The following GPR55 variants were observed in gnomAD, a reference collection of about 807,000 sequenced individuals.
GPR55 encodes the protein G-protein coupled receptor 55.
In GPR55, 6 loss-of-function variants were observed where a neutral mutation model predicts 7.9. That is an observed-to-expected ratio of 0.76 (90% confidence interval 0.41 to 1.49). The LOEUF is 1.49. Among genes scored for constraint, GPR55 ranks in the 40% most tolerant of loss-of-function variants. GPR55 has a pLI of 0.01. For synonymous variants in GPR55, 183 were observed against 166.8 expected (o/e 1.10, Z -0.75); for missense variants, 376 against 406.0 (o/e 0.93, Z 0.63).
intron 1 of GPR55, among the ~76,000 whole-genome samples, chr2:230,940,431 T>C (rs1221589060): frequency 6.6e-6 from 1 of 152,118 alleles, no homozygotes; most frequent in Non-Finnish European, 1.5e-5. Flanking sequence ...CCCCTGAAGA[T>C]AGTGGAAGGT....
At chr2:230,945,014 GC>G (rs1691288809) in intron 1 of GPR55, among the ~76,000 whole-genome samples, 1 of 152,376 alleles carries the variant, frequency 6.6e-6, no homozygotes, top group Non-Finnish European at 1.5e-5. Flanking sequence ...AGGAGCAGGA[GC>G]CTCACTGCGG....
At chr2:230,943,722 G>GT (rs200517248) in intron 1 of GPR55, among the ~76,000 whole-genome samples, 2,844 of 152,258 alleles carry the variant, frequency 0.019, 83 homozygotes, top group African/African-American at 0.065. Context: ...CCTTGGTGCT[G>GT]TCCTCTCAGC....
At chr2:230,931,736 C>A (rs994151007) in intron 1 of GPR55, among the ~76,000 whole-genome samples, 3 of 152,104 alleles carry the variant, frequency 2.0e-5, no homozygotes, top group Admixed American at 6.5e-5. Context: ...TGCCCATTAG[C>A]CCCATCCCCA....
intron 1 of GPR55, chr2:230,957,742 T>G (rs1433168122): frequency 2.5e-5 from 14 of 551,644 alleles, no homozygotes; most frequent in South Asian, 1.9e-4. Flanking sequence ...GACTTTTTTT[T>G]TGTTAACTAG....
intron 1 of GPR55, among the ~76,000 whole-genome samples, chr2:230,938,775 G>A (rs865846529): frequency 2.0e-5 from 3 of 152,208 alleles, no homozygotes; most frequent in East Asian, 1.9e-4. Context: ...TGGCATCTCG[G>A]GACCTTGCCT....
intron 1 of GPR55, among the ~76,000 whole-genome samples, chr2:230,953,146 G>T (rs931796609): frequency 1.3e-5 from 2 of 152,208 alleles, no homozygotes; most frequent in African/African-American, 4.8e-5. Flanking sequence ...CAGCAACCAG[G>T]TGGAGGTGGT....
intron 1 of GPR55, among the ~76,000 whole-genome samples, chr2:230,932,548 T>C (rs1691064408): frequency 6.6e-6 from 1 of 152,242 alleles, no homozygotes; most frequent in Admixed American, 6.5e-5. Context: ...GAAGACAGCA[T>C]GGCTGTGAAT....
upstream of GPR55, among the ~76,000 whole-genome samples, chr2:230,926,490 G>T (rs1026154889): frequency 2.6e-5 from 4 of 152,054 alleles, no homozygotes; most frequent in Non-Finnish European, 5.9e-5. Flanking sequence ...CCCTGGGTGC[G>T]GGAGGAGGCC....
upstream of GPR55, chr2:230,925,244 G>A (rs1354438644): frequency 6.5e-6 from 1 of 152,708 alleles, no homozygotes; most frequent in Middle Eastern, 3.1e-3. Flanking sequence ...GCCTGTTCTG[G>A]GGAGAGTCAC....
intron 1 of GPR55, among the ~76,000 whole-genome samples, chr2:230,950,990 C>G (rs1334259333): frequency 2.0e-5 from 3 of 152,218 alleles, no homozygotes; most frequent in African/African-American, 7.2e-5. Flanking sequence ...GCCCCTTCCC[C>G]TATACCTTGC....
At chr2:230,932,587 C>T (rs78653566) in intron 1 of GPR55, among the ~76,000 whole-genome samples, 3 of 152,310 alleles carry the variant, frequency 2.0e-5, no homozygotes, top group African/African-American at 4.8e-5. Flanking sequence ...CATAAAGCTC[C>T]GAACAGAAGG....
chr2:230,923,880 T>C lies in GPR55; in HGVS notation c.-135+1288A>G, dbSNP rs1427595568. The stretch of plus-strand genomic sequence containing the variant: ...GCATCACAAGCAAGAGCATCTGGGA[T>C]CCAGGAGTTGCCAAGCCCCCTCCTC... On this transcript the variant is annotated intron_variant, in intron 1 of 1. Coordinates refer to ENST00000650999, the MANE Select transcript of GPR55 (RefSeq NM_005683.4). This position sits in a 1 kb window ranked among gnomAD's most constrained non-coding sequence, Gnocchi z 4.1. Among the ~76,000 whole-genome samples the C allele has an allele frequency of 1.3e-5, 2 of 152,046 alleles. No homozygotes were observed. Among genetic ancestry groups the C allele is most frequent in the Non-Finnish European group, 2.9e-5 (2 of 67,998 alleles).
chr2:230,938,679 G>A (rs1376138866), intron 1 of GPR55, among the ~76,000 whole-genome samples: 1 of 152,234 alleles, frequency 6.6e-6, no homozygotes, highest in Non-Finnish European at 1.5e-5. Context: ...GGAGCAGCGG[G>A]CAGGGCAAGG....
intron 1 of GPR55, among the ~76,000 whole-genome samples, chr2:230,932,152 T>C (rs899759055): frequency 1.3e-5 from 2 of 152,196 alleles, no homozygotes; most frequent in Admixed American, 1.3e-4. Flanking sequence ...ACAAAGGTAC[T>C]CTGCTGCTTA....
At position 230,909,021 on chromosome 2, in the gene GPR55, C is replaced by A. The variant is rs1424465183; in HGVS notation, c.*982G>T. 1 of 152,304 alleles carries A rather than the reference C, an allele frequency of 6.6e-6. No individual in the cohort carries two copies. The highest frequency in any genetic ancestry group is 6.5e-5 in the Admixed American group (1 of 15,290). The allele number at this position is 152,304 out of a possible 1,614,324, so 9.4% of individuals were successfully genotyped here. On this transcript the variant is annotated 3_prime_UTR_variant, in exon 2 of 2. Coordinates refer to ENST00000650999, the MANE Select transcript of GPR55 (RefSeq NM_005683.4). ...GCAGGTGAGTAAGACAGCACCTCCT[C>A]CACCCTCCTATGGTGGAACCAAGGC...
At position 230,944,650 on chromosome 2, in the gene GPR55, G is replaced by T. The variant is rs568543759; in HGVS notation, c.-135+16125C>A. 1.3e-5 allele frequency among the ~76,000 whole-genome samples: 2 copies of T among 152,332 alleles called. No homozygotes were observed. The highest frequency in any genetic ancestry group is 1.3e-4 in the Admixed American group (2 of 15,302). The stretch of plus-strand genomic sequence containing the variant: ...AGGTGAAGAGAATCTTTCAGGAGTG[G>T]AGAGAATATAACTGAATGCTTTGTC... On this transcript the variant is annotated intron_variant, in intron 1 of 1. Coordinates refer to the GPR55 transcript ENST00000392039. This position sits in a 1 kb window ranked among gnomAD's most constrained non-coding sequence, Gnocchi z 4.2.
chr2:230,922,575 A>T, intron 1 of GPR55, among the ~76,000 whole-genome samples: 1 of 151,966 alleles, frequency 6.6e-6, no homozygotes, highest in Non-Finnish European at 1.5e-5. Context: ...ATTTATTTTT[A>T]TTTATTTATT....
rs201487587 is a variant in GPR55 at position 230,960,582 on chromosome 2, C to CA, written c.-135+192dup. The stretch of plus-strand genomic sequence containing the variant: ...AACCACGAATACTTCTGAATGACAA[C>CA]AAAAAAAAATCACCGTAAGACAGCT... On this transcript the variant is annotated intron_variant, in intron 1 of 1. Coordinates refer to the GPR55 transcript ENST00000392039. Among the ~76,000 whole-genome samples the CA allele has an allele frequency of 4.3e-3, 644 of 151,116 alleles. 10 individuals are homozygous for CA. Among genetic ancestry groups the CA allele is most frequent in the Admixed American group, 0.031 (471 of 15,198 alleles).
chr2:230,914,561 G>T (rs993678179), intron 1 of GPR55, among the ~76,000 whole-genome samples: 2 of 151,800 alleles, frequency 1.3e-5, no homozygotes, highest in Admixed American at 6.6e-5. Context: ...ATAAAAAAAA[G>T]GCATCAATGC....
Sources: gnomAD v4.1 joint callset for allele counts (sites outside exome capture counted in the v4.1 genomes callset) on GRCh38, gnomAD v4.1.1 for gene constraint, Gnocchi (gnomAD v3.1) non-coding constraint, MANE v1.5 for transcripts, NCBI Gene and HGNC (gene_info 2026-07-23, HGNC 2026-07-21) for gene names.